The following IGSF11 variants were observed in gnomAD, a reference collection of about 807,000 sequenced individuals.
IGSF11 encodes immunoglobulin superfamily member 11, also known as CXADR like 1.
A neutral mutation model predicts 41.0 loss-of-function variants in IGSF11; 22 were observed. The ratio of observed to expected loss-of-function variants is 0.54; its 90% CI spans 0.38 to 0.77. The LOEUF is 0.77. Among genes scored for constraint, IGSF11 ranks in the 30% least tolerant of loss-of-function variants. IGSF11 has a pLI of 0.00. For synonymous variants in IGSF11, 219 were observed against 201.3 expected, an observed-to-expected ratio of 1.09 and a Z score of -0.74; for missense variants, 444 against 530.8, an observed-to-expected ratio of 0.84 and a Z score of 1.61.
At chr3:118,940,366 C>T (rs191352641) in intron 1 of IGSF11, among the ~76,000 whole-genome samples, 34 of 152,070 alleles carry the variant, frequency 2.2e-4, no homozygotes, top group Admixed American at 7.9e-4. Context: ...CAAATAGCAA[C>T]GATTTTTCTA....
chr3:119,035,375 T>G (rs74325777), upstream of IGSF11, among the ~76,000 whole-genome samples: 3,221 of 152,306 alleles, frequency 0.021, 123 homozygotes, highest in African/African-American at 0.07. Flanking sequence ...TTGCGCTGTT[T>G]CCTGGATGCC....
chr3:119,049,601 C>A (rs1941527158), intron 1 of IGSF11, among the ~76,000 whole-genome samples: 2 of 151,418 alleles, frequency 1.3e-5, no homozygotes, highest in South Asian at 2.1e-4. Context: ...TCAATGCCAT[C>A]CCCATCAAGC....
chr3:118,994,973 A>G (rs1033817377), intron 1 of IGSF11, among the ~76,000 whole-genome samples: 32 of 152,348 alleles, frequency 2.1e-4, no homozygotes, highest in Admixed American at 8.5e-4. Flanking sequence ...GTTATGTAAT[A>G]GAAAAGCGGC....
intron 1 of IGSF11, among the ~76,000 whole-genome samples, chr3:119,116,988 C>T (rs551558259): frequency 2.6e-5 from 4 of 152,190 alleles, no homozygotes; most frequent in African/African-American, 7.2e-5. Context: ...ACCCCCACCC[C>T]TTTTCCCAAA....
intron 1 of IGSF11, among the ~76,000 whole-genome samples, chr3:119,126,773 AAAG>A (rs1454568670): frequency 1.3e-5 from 2 of 152,140 alleles, no homozygotes; most frequent in African/African-American, 2.4e-5. Context: ...CAGCAGCCCT[AAAG>A]AAGAGGGACC....
intron 1 of IGSF11, among the ~76,000 whole-genome samples, chr3:119,052,306 T>C (rs1296367537): frequency 5.3e-5 from 8 of 151,846 alleles, no homozygotes; most frequent in African/African-American, 1.9e-4. Context: ...ATGGTGAAAC[T>C]CTGTCTCTAC....
chr3:119,040,574 G>A (rs779070160), intron 1 of IGSF11, among the ~76,000 whole-genome samples: 43 of 152,018 alleles, frequency 2.8e-4, no homozygotes, highest in Non-Finnish European at 5.7e-4. Context: ...CCCTCTCCCC[G>A]TTGTATTTTT....
At chr3:119,111,426 C>T (rs12494071) in intron 1 of IGSF11, among the ~76,000 whole-genome samples, 70,353 of 151,922 alleles carry the variant, frequency 0.46, 16,392 homozygotes, top group East Asian at 0.52. Context: ...TCTTGAGCCT[C>T]GGCTTTCAGC....
intron 1 of IGSF11, among the ~76,000 whole-genome samples, chr3:119,023,666 A>AACTTC (rs1386165294): frequency 6.6e-5 from 10 of 152,334 alleles, no homozygotes; most frequent in African/African-American, 2.2e-4. Context: ...GTTTAACCTA[A>AACTTC]ACATGAACAT....
At chr3:119,097,546 T>TAG (rs2076873783) in intron 1 of IGSF11, among the ~76,000 whole-genome samples, 2 of 151,328 alleles carry the variant, frequency 1.3e-5, no homozygotes, top group South Asian at 2.1e-4. Context: ...GGTGGCGAGG[T>TAG]AGAGAGAGAG....
intron 1 of IGSF11, among the ~76,000 whole-genome samples, chr3:118,953,890 A>ACC (rs1174655567): frequency 1.3e-5 from 2 of 152,092 alleles, no homozygotes; most frequent in Non-Finnish European, 2.9e-5. Flanking sequence ...TGCTGTGCAG[A>ACC]AGCTTTTTAG....
intron 1 of IGSF11, among the ~76,000 whole-genome samples, chr3:118,961,366 C>G (rs924333285): frequency 6.6e-6 from 1 of 152,202 alleles, no homozygotes; most frequent in Non-Finnish European, 1.5e-5. Context: ...TCATACATCC[C>G]CACCATACTT....
At chr3:118,993,815 T>TATA in intron 1 of IGSF11, among the ~76,000 whole-genome samples, 1 of 152,262 alleles carries the variant, frequency 6.6e-6, no homozygotes, top group East Asian at 1.9e-4. Context: ...CAAGTCTATA[T>TATA]AGATAGAAAC....
At chr3:119,094,670 T>C (rs1446825788) in intron 1 of IGSF11, among the ~76,000 whole-genome samples, 1 of 118,558 alleles carries the variant, frequency 8.4e-6, no homozygotes, top group African/African-American at 2.9e-5. Context: ...AGAGCAACTC[T>C]ATTTTTTTTT....
intron 1 of IGSF11, among the ~76,000 whole-genome samples, chr3:119,046,502 C>T (rs1034995784): frequency 6.6e-6 from 1 of 151,776 alleles, no homozygotes; most frequent in African/African-American, 2.4e-5. Context: ...TGTGAAAAGA[C>T]CAAATCTATG....
chr3:118,932,398 A>G (rs11929112), intron 1 of IGSF11, among the ~76,000 whole-genome samples: 3,976 of 152,344 alleles, frequency 0.026, 148 homozygotes, highest in African/African-American at 0.09. Context: ...ATAAACATGC[A>G]TAACACCTTC....
intron 1 of IGSF11, chr3:118,981,780 G>A (rs1370240013): frequency 6.6e-6 from 1 of 152,298 alleles, no homozygotes; most frequent in Non-Finnish European, 1.5e-5. Flanking sequence ...AACTCCCTGT[G>A]GGAAACTTAC....
intron 1 of IGSF11, among the ~76,000 whole-genome samples, chr3:118,967,893 GTTC>G (rs751492169): frequency 3.6e-4 from 55 of 152,222 alleles, no homozygotes; most frequent in Admixed American, 7.9e-4. Context: ...GTCAGTGCAT[GTTC>G]TTCTTTATTC....
rs1210268906 is a variant in IGSF11 at position 119,029,219 on chromosome 3, G to A, written c.52+5312C>T. ...ACACACACACACACACGGTAGACAT[G>A]GTACTGCCTTTTGGGAATACACACA... On this transcript the variant is annotated intron_variant, in intron 1 of 6. Transcript: ENST00000393775. 4.4e-5 allele frequency among the ~76,000 whole-genome samples: 4 copies of A among 91,114 alleles called. No homozygotes were observed. In the East Asian group the frequency reaches 1.2e-3, roughly 27 times the overall value. 59.8% of individuals were successfully genotyped at this position (91,114 alleles called of 152,430 possible). A position where few individuals can be genotyped will look rare whatever the true frequency, so the allele number is the denominator to read the frequency against.
Sources: allele counts gnomAD v4.1 joint callset (sites outside exome capture counted in the v4.1 genomes callset), GRCh38; gene constraint gnomAD v4.1.1; transcripts MANE v1.5; gene names NCBI Gene and HGNC (gene_info 2026-07-23, HGNC 2026-07-21).